Variants in LRP1 observed in about 807,000 individuals in gnomAD.
LRP1 encodes prolow-density lipoprotein receptor-related protein 1.
Under a neutral mutation model 541.5 loss-of-function variants are expected in LRP1, and 51 were observed. That is an observed-to-expected ratio of 0.09 (90% CI 0.08 to 0.12). The LOEUF (loss-of-function observed/expected upper bound fraction) is 0.12. Ranked by LOEUF, LRP1 falls within the 10% of genes least tolerant of loss-of-function variation. LRP1 has a pLI of 1.00. For missense variants in LRP1, 3,878 were observed against 6,376.2 expected, an observed-to-expected ratio of 0.61 and a Z score of 13.34; for synonymous variants, 2,219 against 2,470.8, an observed-to-expected ratio of 0.90 and a Z score of 3.02.
At chr12:57,134,241 G>A (rs1041331229) in intron 1 of LRP1, among the ~76,000 whole-genome samples, 3 of 151,952 alleles carry the variant, frequency 2.0e-5, no homozygotes, top group East Asian at 1.9e-4. Flanking sequence ...CTCCAAACTC[G>A]CTCTCTCTCC....
chr12:57,203,222 G>A lies in LRP1; in HGVS notation c.10753G>A (p.Gly3585Ser), dbSNP rs1391324580. The A allele has an allele frequency of 6.2e-7, 1 of 1,610,338 alleles. No individual in the cohort carries two copies. Among genetic ancestry groups the A allele is most frequent in the Non-Finnish European group, 8.5e-7 (1 of 1,178,388 alleles). ...CGAGAGTGAGTTCTCCTGTGCCAAC[G>A]GCCGCTGCATCGCGGGGCGCTGGAA... ...CSESEFSCANGRCIAGRWKCD... is the reference protein window; with the variant it reads ...CSESEFSCANSRCIAGRWKCD... Residue 3585 changes from glycine (G) to serine (S), a missense_variant, in exon 69 of 89, where the codon GGC becomes AGC. Transcript: ENST00000243077.
Position 57,128,665 on chromosome 12 carries a change from A to G in LRP1, c.-300A>G, listed in dbSNP as rs926685496. 41 of 372,900 alleles carry G rather than the reference A, an allele frequency of 1.1e-4. No homozygotes were observed. The highest frequency in any genetic ancestry group is 1.7e-4 in the Non-Finnish European group (35 of 211,248). 23.1% of individuals were successfully genotyped at this position (372,900 alleles called of 1,614,324 possible). On this transcript the variant is annotated 5_prime_UTR_variant, in exon 1 of 89. An upstream start codon of the reference 5' UTR is lost. Coordinates refer to ENST00000243077, the MANE Select transcript of LRP1 (RefSeq NM_002332.3). Reference sequence around the variant, plus strand: ...TTTTGCAGCCGGAGGCGGCTCCGAGATGGGGCTGTGAGCTTCGCCCGGGGA... The same window carrying G: ...TTTTGCAGCCGGAGGCGGCTCCGAGGTGGGGCTGTGAGCTTCGCCCGGGGA...
chr12:57,195,232 C>G, intron 51 of LRP1, 39 bp from the exon 52 acceptor site: 1 of 1,607,356 alleles, frequency 6.2e-7, no homozygotes, highest in Non-Finnish European at 8.5e-7. Context: ...CTGATCTACC[C>G]GCTCCTAAGT....
At position 57,210,402 on chromosome 12, in the gene LRP1, T is replaced by C; in HGVS notation, c.12676T>C (p.Tyr4226His). 1 of 1,606,590 alleles carries C rather than the reference T, an allele frequency of 6.2e-7. No homozygotes were observed. The highest frequency in any genetic ancestry group is 8.5e-7 in the Non-Finnish European group (1 of 1,175,636). The change falls in exon 82 of 89, where the codon TAC becomes CAC. Residue 4226 changes from tyrosine (Y) to histidine (H), a missense_variant. This residue lies in a region of LRP1 where 871 missense variants were observed against 1,212.4 expected (regional missense o/e 0.72). Transcript: ENST00000243077. ...GCCCAAGTGCCGCTGCCAACCCCGC[T>C]ACACGGGTGACAAGTGTGAACTGGA... ...RQPKCRCQPR[Y>H]TGDKCELDQC...
intron 18 of LRP1, 150 bp downstream of exon 18, chr12:57,167,196 C>A: frequency 1.4e-6 from 1 of 698,782 alleles, no homozygotes; most frequent in Non-Finnish European, 2.5e-6. Context: ...GAGGAGAGCC[C>A]CATCATCACA....
Position 57,156,305 on chromosome 12 carries a change from C to A in LRP1, c.1417+22C>A. The A allele has an allele frequency of 1.2e-6, 2 of 1,611,774 alleles. No homozygotes were observed. The highest frequency in any genetic ancestry group is 1.7e-6 in the Non-Finnish European group (2 of 1,178,832). The stretch of plus-strand genomic sequence containing the variant: ...CGAGGTGAGCAGGGCTCCATGGCCC[C>A]TCCAAAGCTGGCTTTACCCCATGAT... On this transcript the variant is annotated intron_variant, in intron 9 of 88. Coordinates refer to ENST00000243077, the MANE Select transcript of LRP1 (RefSeq NM_002332.3). This position sits in a 1 kb window ranked among gnomAD's most constrained non-coding sequence, Gnocchi z 5.2.
chr12:57,200,830 GCCCA>G lies in LRP1; in HGVS notation c.10225+19_10225+22del. The G allele has an allele frequency of 7.8e-7, 1 of 1,283,000 alleles. No individual in the cohort carries two copies. Among genetic ancestry groups the G allele is most frequent in the Non-Finnish European group, 1.0e-6 (1 of 982,392 alleles). The allele number at this position is 1,283,000 out of a possible 1,614,324, so 79.5% of individuals were successfully genotyped here. A position where few individuals can be genotyped will look rare whatever the true frequency, so the allele number is the denominator to read the frequency against. ...GGCCAACTGTGGTAAGGCGCTGCCCGCCCACCCTCCCTCCTTCCCCAGCATCTTC... is the reference window on the plus strand; with the variant it reads ...GGCCAACTGTGGTAAGGCGCTGCCCGCCCTCCCTCCTTCCCCAGCATCTTC... On this transcript the variant is annotated intron_variant, in intron 64 of 88. Coordinates refer to ENST00000243077, the MANE Select transcript of LRP1 (RefSeq NM_002332.3).
In LRP1 at chr12:57,210,486, C is replaced by A; in HGVS notation, c.12754+6C>A. ...CTGTGCTGCCTCCCCCTCTGGTATGCCCCCTCATCCCGCCACGCCTGCTCC... is the reference window on the plus strand; with the variant it reads ...CTGTGCTGCCTCCCCCTCTGGTATGACCCCTCATCCCGCCACGCCTGCTCC... On this transcript the variant is annotated splice_donor_region_variant and intron_variant, in intron 82 of 88. Transcript: ENST00000243077. 2 of 1,521,902 alleles carry A rather than the reference C, an allele frequency of 1.3e-6. No homozygotes were observed. Among genetic ancestry groups the A allele is most frequent in the Non-Finnish European group, 1.8e-6 (2 of 1,132,990 alleles). The allele number at this position is 1,521,902 out of a possible 1,614,324, so 94.3% of individuals were successfully genotyped here.
Position 57,184,187 on chromosome 12 carries a change from G to A in LRP1, c.6032G>A (p.Arg2011Gln), listed in dbSNP as rs1680729253. 1 of 1,614,024 alleles carries A rather than the reference G, an allele frequency of 6.2e-7. No homozygotes were observed. The highest frequency in any genetic ancestry group is 8.5e-7 in the Non-Finnish European group (1 of 1,179,966). ...ATCTCCCAGGGTCTAGACAAGCCCC[G>A]GGCCATCACCGTCCACCCGGAGAAA... ...VVISQGLDKP[R>Q]AITVHPEKGY... is the part of the protein sequence containing the mutation. The change falls in exon 37 of 89, where the codon CGG (arginine) becomes CAG (glutamine). Residue 2011 changes from arginine to glutamine, a missense_variant. Physicochemically the swap from Arg to Gln is conservative, Grantham distance 43. Around this residue, in one of 13 missense-constraint regions of LRP1, gnomAD observed 394 missense variants for 635.9 expected, o/e 0.62. Coordinates refer to ENST00000243077, the MANE Select transcript of LRP1 (RefSeq NM_002332.3). The surrounding 1 kb of genome is among the most constrained non-coding windows in gnomAD (Gnocchi z 7.8).
rs2036791001 is a variant in LRP1, at chr12:57,206,847, C to T, written c.11859+106C>T. 12 of 1,323,886 alleles carry T rather than the reference C, an allele frequency of 9.1e-6. No homozygotes were observed. The South Asian group carries it at 1.4e-4, about 15-fold the overall frequency. The allele number at this position is 1,323,886 out of a possible 1,614,324, so 82.0% of individuals were successfully genotyped here. A position where few individuals can be genotyped will look rare whatever the true frequency, so the allele number is the denominator to read the frequency against. ...GCTGGCTAGGCGCAGTGGCTCACGC[C>T]TATAATCCCAGCACTTTGGGAGGCC... is the stretch of plus-strand genomic sequence containing the variant. On this transcript the variant is annotated intron_variant, in intron 76 of 88. Coordinates refer to ENST00000243077, the MANE Select transcript of LRP1 (RefSeq NM_002332.3). The surrounding 1 kb of genome is among the most constrained non-coding windows in gnomAD (Gnocchi z 4.7).
chr12:57,197,256 G>T lies in LRP1; in HGVS notation c.9077-43G>T, dbSNP rs772253361. On this transcript the variant is annotated intron_variant, in intron 56 of 88. Coordinates refer to ENST00000243077, the MANE Select transcript of LRP1 (RefSeq NM_002332.3). The surrounding 1 kb of genome is among the most constrained non-coding windows in gnomAD (Gnocchi z 4.5). ...TCCAGACAGGCAGGAGACCAGGGCC[G>T]CTAGAATGTGCCAGGAGCTGAGGCA... 15 of 1,612,346 alleles carry T rather than the reference G, an allele frequency of 9.3e-6. No individual in the cohort carries two copies. The highest frequency in any genetic ancestry group is 2.2e-5 in the South Asian group (2 of 91,042).
At chr12:57,209,225 C>A (rs2136754667) in intron 79 of LRP1, 26 bp downstream of exon 79, 2 of 1,574,410 alleles carry the variant, frequency 1.3e-6, no homozygotes, top group South Asian at 1.1e-5. Context: ...AAGTCGCAGT[C>A]CCCAGCCCTG....
At chr12:57,199,491 A>G in intron 61 of LRP1, 91 bp downstream of exon 61, 1 of 1,389,170 alleles carries the variant, frequency 7.2e-7, no homozygotes, top group Non-Finnish European at 9.9e-7. Flanking sequence ...AGCATTGACC[A>G]AGCCCTCCTG....
intron 19 of LRP1, 117 bp from the exon 20 acceptor site, chr12:57,169,023 T>TG (rs1164929623): frequency 3.8e-5 from 27 of 713,472 alleles, no homozygotes; most frequent in African/African-American, 3.1e-4. Flanking sequence ...ATTTTCCCAG[T>TG]GGGGGGGTTA....
rs1236087790 is a variant in LRP1, at chr12:57,183,539, G to A, written c.5794+29G>A. The A allele has an allele frequency of 6.2e-7, 1 of 1,606,220 alleles. No individual in the cohort carries two copies. Among genetic ancestry groups the A allele is most frequent in the East Asian group, 2.2e-5 (1 of 44,638 alleles). ...AGCCATTTGGTGGCAGAGGGAGTTGGGCGTGGCGTAGGAGCTTTAGGGGTG... is the reference window on the plus strand; with the variant it reads ...AGCCATTTGGTGGCAGAGGGAGTTGAGCGTGGCGTAGGAGCTTTAGGGGTG... On this transcript the variant is annotated intron_variant, in intron 35 of 88. Transcript: ENST00000243077. This position sits in a 1 kb window ranked among gnomAD's most constrained non-coding sequence, Gnocchi z 6.1.
In LRP1 at chr12:57,205,164, G is replaced by T; in HGVS notation, c.11250G>T (p.Arg3750=). The T allele has an allele frequency of 1.2e-6, 2 of 1,613,956 alleles. No individual in the cohort carries two copies. The highest frequency in any genetic ancestry group is 1.7e-6 in the Non-Finnish European group (2 of 1,179,996). Reference sequence around the variant, plus strand: ...AAGACAAGAAGGAGTTTCTGTGCCGGAACCAGCGCTGCCTCTCCTCCTCCC... The same window carrying T: ...AAGACAAGAAGGAGTTTCTGTGCCGTAACCAGCGCTGCCTCTCCTCCTCCC... ...HCKDKKEFLC[R]NQRCLSSSLR... The change falls in exon 73 of 89, where the codon CGG becomes CGT. Residue 3750 remains arginine (R), a synonymous_variant. Coordinates refer to ENST00000243077, the MANE Select transcript of LRP1 (RefSeq NM_002332.3). The surrounding 1 kb of genome is among the most constrained non-coding windows in gnomAD (Gnocchi z 4.6).
At chr12:57,150,574 G>T (rs2035508055) in intron 6 of LRP1, among the ~76,000 whole-genome samples, 1 of 152,132 alleles carries the variant, frequency 6.6e-6, no homozygotes, top group Admixed American at 6.5e-5. Flanking sequence ...AGCCCCAAAT[G>T]GCCCACCTGG....
In LRP1 at chr12:57,183,883, A is replaced by T; in HGVS notation, c.5903A>T (p.Glu1968Val). The change falls in exon 36 of 89, where the codon GAG becomes GTG. Residue 1968 changes from glutamate (E) to valine (V), a missense_variant. Glu to Val is a moderately radical substitution (Grantham distance 121). Coordinates refer to ENST00000243077, the MANE Select transcript of LRP1 (RefSeq NM_002332.3). This position sits in a 1 kb window ranked among gnomAD's most constrained non-coding sequence, Gnocchi z 6.1. ...DVVTNGIGRV[E>V]GIAVDWIAGN... is the part of the protein sequence containing the mutation. The stretch of plus-strand genomic sequence containing the variant: ...GTGACCAATGGCATTGGCCGTGTGG[A>T]GGGCATTGCAGTGGACTGGATCGCA... 1 of 1,614,090 alleles carries T rather than the reference A, an allele frequency of 6.2e-7. No homozygotes were observed. The highest frequency in any genetic ancestry group is 8.5e-7 in the Non-Finnish European group (1 of 1,180,022).
In LRP1 at chr12:57,162,768, C is replaced by G; in HGVS notation, c.2405-90C>G. 2 of 1,398,992 alleles carry G rather than the reference C, an allele frequency of 1.4e-6. No individual in the cohort carries two copies. The highest frequency in any genetic ancestry group is 2.7e-5 in the South Asian group (2 of 75,204). 86.7% of individuals were successfully genotyped at this position (1,398,992 alleles called of 1,614,324 possible). ...TCTCCATATTTCCTCTTTCTGTCCC[C>G]ACATCTTAATGTGTCTCCTCCCCTA... On this transcript the variant is annotated intron_variant, in intron 14 of 88. Coordinates refer to ENST00000243077, the MANE Select transcript of LRP1 (RefSeq NM_002332.3). The surrounding 1 kb of genome is among the most constrained non-coding windows in gnomAD (Gnocchi z 5.2).
Sources: gnomAD v4.1 joint callset for allele counts (sites outside exome capture counted in the v4.1 genomes callset) on GRCh38, gnomAD v4.1.1 for gene constraint, gnomAD v4.1.1 regional missense constraint, Gnocchi (gnomAD v3.1) non-coding constraint, MANE v1.5 for transcripts, NCBI Gene and HGNC (gene_info 2026-07-23, HGNC 2026-07-21) for gene names.